Variants in SCFD2 observed in about 807,000 individuals in gnomAD.
SCFD2 encodes sec1 family domain-containing protein 2.
In SCFD2, 54 loss-of-function variants were observed where a neutral mutation model predicts 58.9. That is an observed-to-expected ratio of 0.92 (90% confidence interval 0.74 to 1.15). The LOEUF (loss-of-function observed/expected upper bound fraction) is 1.15. SCFD2 is among the 50% of genes most tolerant of loss of function. The pLI is 0.00. For missense variants in SCFD2, 805 were observed against 836.6 expected, an observed-to-expected ratio of 0.96 and a Z score of 0.47; for synonymous variants, 321 against 335.9, an observed-to-expected ratio of 0.96 and a Z score of 0.49.
intron 5 of SCFD2, among the ~76,000 whole-genome samples, chr4:53,137,632 T>C (rs1426114594): frequency 1.3e-5 from 2 of 152,242 alleles, no homozygotes; most frequent in Admixed American, 1.3e-4. Flanking sequence ...TACTTTGAGT[T>C]ATTCATTCTC....
intron 1 of SCFD2, among the ~76,000 whole-genome samples, chr4:53,364,125 G>T (rs375184585): frequency 1.3e-5 from 2 of 152,140 alleles, no homozygotes; most frequent in African/African-American, 4.8e-5. Flanking sequence ...TTAAATCACA[G>T]ACTGGACACC....
chr4:53,119,042 G>A (rs112511974), intron 5 of SCFD2, among the ~76,000 whole-genome samples: 1,745 of 152,232 alleles, frequency 0.011, 41 homozygotes, highest in African/African-American at 0.04. Flanking sequence ...TTCTGTCTGG[G>A]CACGGTGGCT....
chr4:53,011,759 ATCTGGGTTACAAG>A (rs1164615630), intron 5 of SCFD2, among the ~76,000 whole-genome samples: 1 of 152,194 alleles, frequency 6.6e-6, no homozygotes, highest in East Asian at 1.9e-4. Context: ...AAGCTTCTTT[ATCTGGGTTACAAG>A]TTTGGTCTGC....
chr4:53,228,108 A>C (rs1220375183), intron 4 of SCFD2, among the ~76,000 whole-genome samples: 1 of 152,146 alleles, frequency 6.6e-6, no homozygotes, highest in African/African-American at 2.4e-5. Context: ...TAGTTCCTAG[A>C]ACTGTAAGGT....
chr4:53,010,289 G>C (rs1176795529), intron 5 of SCFD2, among the ~76,000 whole-genome samples: 1 of 152,066 alleles, frequency 6.6e-6, no homozygotes, highest in African/African-American at 2.4e-5. Flanking sequence ...TACTTTCTTC[G>C]AATTACTTAA....
chr4:53,132,905 T>C (rs1354151462), intron 5 of SCFD2, among the ~76,000 whole-genome samples: 3 of 152,146 alleles, frequency 2.0e-5, no homozygotes, highest in Non-Finnish European at 4.4e-5. Context: ...GGAGCAGAAA[T>C]ATGCAGGTAT....
chr4:53,001,208 G>A (rs1721858382), intron 5 of SCFD2, among the ~76,000 whole-genome samples: 1 of 152,198 alleles, frequency 6.6e-6, no homozygotes, highest in Admixed American at 6.5e-5. Flanking sequence ...TGGCTCCAGA[G>A]AACTGAAGAT....
intron 4 of SCFD2, among the ~76,000 whole-genome samples, chr4:53,232,019 A>C (rs1729455609): frequency 6.6e-6 from 1 of 152,130 alleles, no homozygotes. Flanking sequence ...AGTGGGTATC[A>C]TATATTCAAT....
chr4:53,139,028 G>A (rs1380333554), intron 5 of SCFD2, among the ~76,000 whole-genome samples: 8 of 152,118 alleles, frequency 5.3e-5, no homozygotes, highest in East Asian at 1.9e-4. Context: ...GCGCCGCCAC[G>A]CGTGACTGGT....
rs1446060793 is a variant in SCFD2 at position 53,331,015 on chromosome 4, G to C, written c.1008-17252C>G. ...AGACAAAGAAGGCCATTACATAATG[G>C]TAAAGGGATCAATTCAACAAGAAGA... On this transcript the variant is annotated intron_variant, in intron 2 of 8. Coordinates refer to ENST00000401642, the MANE Select transcript of SCFD2 (RefSeq NM_152540.4). Among the ~76,000 whole-genome samples the C allele has an allele frequency of 3.3e-3, 494 of 151,412 alleles. 1 individual carries two copies. The highest frequency in any genetic ancestry group is 6.9e-3 in the Middle Eastern group (2 of 288).
chr4:52,923,641 A>G (rs990156313), intron 5 of SCFD2, among the ~76,000 whole-genome samples: 6 of 152,142 alleles, frequency 3.9e-5, no homozygotes, highest in Non-Finnish European at 5.9e-5. Flanking sequence ...GTTCGTGGGA[A>G]CTTCCTGGAA....
intron 4 of SCFD2, among the ~76,000 whole-genome samples, chr4:53,240,293 C>T (rs2149024364): frequency 6.6e-6 from 1 of 152,120 alleles, no homozygotes; most frequent in South Asian, 2.1e-4. Context: ...TTATGTGCTC[C>T]CAAGCTAGAA....
intron 5 of SCFD2, among the ~76,000 whole-genome samples, chr4:53,057,191 A>C (rs1267799928): frequency 6.6e-6 from 1 of 152,164 alleles, no homozygotes; most frequent in Non-Finnish European, 1.5e-5. Flanking sequence ...AAATGATTCT[A>C]CTATAAAGGC....
At chr4:53,037,278 T>C (rs775034989) in intron 5 of SCFD2, among the ~76,000 whole-genome samples, 13 of 152,218 alleles carry the variant, frequency 8.5e-5, no homozygotes, top group Non-Finnish European at 1.3e-4. Context: ...GGTGATTCCA[T>C]TTTAAGGACT....
At chr4:53,035,224 A>G (rs1292648269) in intron 5 of SCFD2, among the ~76,000 whole-genome samples, 1 of 152,210 alleles carries the variant, frequency 6.6e-6, no homozygotes, top group African/African-American at 2.4e-5. Context: ...GCAATGGCAA[A>G]AAGATTCCCT....
At chr4:53,206,788 C>T (rs1728419558) in intron 4 of SCFD2, among the ~76,000 whole-genome samples, 1 of 152,116 alleles carries the variant, frequency 6.6e-6, no homozygotes, top group Non-Finnish European at 1.5e-5. Flanking sequence ...CCATCCTACA[C>T]TACTGTGCAA....
chr4:53,239,397 T>G (rs867286642), intron 4 of SCFD2, among the ~76,000 whole-genome samples: 147 of 96,628 alleles, frequency 1.5e-3, no homozygotes, highest in South Asian at 2.4e-3. Flanking sequence ...GTGGGGAGAG[T>G]GAGAGGGAGA....
Position 52,873,905 on chromosome 4 carries a change from A to T in SCFD2, c.*64T>A. 8.7e-7 allele frequency: 1 copy of T among 1,147,142 alleles called. No homozygotes were observed. The highest frequency in any genetic ancestry group is 1.3e-6 in the Non-Finnish European group (1 of 758,122). 71.1% of individuals were successfully genotyped at this position (1,147,142 alleles called of 1,614,324 possible). A position where few individuals can be genotyped will look rare whatever the true frequency, so the allele number is the denominator to read the frequency against. On this transcript the variant is annotated 3_prime_UTR_variant, in exon 9 of 9. Coordinates refer to ENST00000401642, the MANE Select transcript of SCFD2 (RefSeq NM_152540.4). ...ACGCTGGTTGTGGAGGAGTATTTGG[A>T]GTGGTGGCAGAAAATTGCATCGGCA...
intron 4 of SCFD2, among the ~76,000 whole-genome samples, chr4:53,251,700 C>G (rs1471794295): frequency 6.6e-6 from 1 of 151,930 alleles, no homozygotes; most frequent in East Asian, 1.9e-4. Context: ...ATGCTAAAAA[C>G]TCTCAATAAA....
Sources: gnomAD v4.1 joint callset for allele counts (sites outside exome capture counted in the v4.1 genomes callset) on GRCh38, gnomAD v4.1.1 for gene constraint, MANE v1.5 for transcripts, NCBI Gene and HGNC (gene_info 2026-07-23, HGNC 2026-07-21) for gene names.